Variants in HIPK3 observed in about 807,000 individuals in gnomAD.
HIPK3 encodes the protein homeodomain-interacting protein kinase 3.
HIPK3 carries 47 observed loss-of-function variants against 124.2 expected under a neutral mutation model. The ratio of observed to expected loss-of-function variants is 0.38; its 90% CI spans 0.30 to 0.48. The LOEUF (loss-of-function observed/expected upper bound fraction) is 0.48, where lower values mean the gene tolerates loss of function less well. Among genes scored for constraint, HIPK3 ranks in the 20% least tolerant of loss-of-function variants. HIPK3 has a pLI of 0.98. For missense variants in HIPK3, 1,286 were observed against 1,454.3 expected (o/e 0.88, Z 1.88); for synonymous variants, 482 against 515.2 (o/e 0.94, Z 0.87).
At chr11:33,266,353 G>T (rs1482498518) in intron 1 of HIPK3, among the ~76,000 whole-genome samples, 2 of 151,880 alleles carry the variant, frequency 1.3e-5, no homozygotes, top group Admixed American at 1.3e-4. Context: ...TAAAATAGTA[G>T]CATTCATGTT....
At chr11:33,269,972 G>C (rs1476298075) in intron 1 of HIPK3, among the ~76,000 whole-genome samples, 1 of 151,942 alleles carries the variant, frequency 6.6e-6, no homozygotes, top group African/African-American at 2.4e-5. Flanking sequence ...GTGTATACCT[G>C]TATATGGTTT....
At chr11:33,267,157 C>T (rs1228385196) in intron 1 of HIPK3, among the ~76,000 whole-genome samples, 1 of 151,492 alleles carries the variant, frequency 6.6e-6, no homozygotes, top group Non-Finnish European at 1.5e-5. Context: ...GGGTCTTGCT[C>T]TGTCCCCCAG....
intron 14 of HIPK3, 107 bp downstream of exon 14, chr11:33,349,394 C>G (rs2134000055): frequency 1.2e-6 from 1 of 833,646 alleles, no homozygotes; most frequent in Non-Finnish European, 1.8e-6. Flanking sequence ...ACAGTGACTT[C>G]TATCTTGAAC....
chr11:33,286,463 T>TA lies in HIPK3; in HGVS notation c.49_50insA (p.Ser17TyrfsTer6). On this transcript the variant is annotated frameshift_variant, in exon 2 of 17. Coordinates refer to ENST00000303296, the MANE Select transcript of HIPK3 (RefSeq NM_005734.5). LOFTEE classifies it high-confidence loss of function. ...CCCACCATATGTTTATCAAACTCAG[T>TA]CAAGTGCCTTTTGTAGTGTGAAGAA... 6.2e-7 allele frequency: 1 copy of TA among 1,611,592 alleles called. No individual in the cohort carries two copies. Among genetic ancestry groups the TA allele is most frequent in the South Asian group, 1.1e-5 (1 of 90,964 alleles).
At position 33,258,461 on chromosome 11, in the gene HIPK3, A is replaced by T. The variant is rs1231669880; in HGVS notation, c.-3+572A>T. ...GGTTTGCAGGGTGTCAACTCTGGGG[A>T]CGTGCGTGCGTGTGTGTGATTGTTG... is the stretch of plus-strand genomic sequence containing the variant. On this transcript the variant is annotated intron_variant, in intron 1 of 16. Transcript: ENST00000303296. 3.0e-6 allele frequency: 3 copies of T among 985,060 alleles called. No individual in the cohort carries two copies. In the East Asian group the frequency reaches 3.4e-4, roughly 112 times the overall value. 61.0% of individuals were successfully genotyped at this position (985,060 alleles called of 1,614,324 possible).
intron 2 of HIPK3, among the ~76,000 whole-genome samples, chr11:33,305,729 A>G (rs1212657753): frequency 1.3e-5 from 2 of 152,170 alleles, no homozygotes; most frequent in African/African-American, 4.8e-5. Context: ...GTTAATCACC[A>G]AATCTGGTGG....
Position 33,286,440 on chromosome 11 carries a change from C to T in HIPK3, c.26C>T (p.Pro9Leu). The part of the protein sequence containing the change: MASQVLVY[P>L]PYVYQTQSSA... The stretch of plus-strand genomic sequence containing the variant: ...ATGGCCTCACAAGTCTTGGTCTACC[C>T]ACCATATGTTTATCAAACTCAGTCA... The change falls in exon 2 of 17, where the codon CCA becomes CTA. Residue 9 changes from proline to leucine, a missense_variant. Physicochemically the swap from Pro to Leu is moderately conservative, Grantham distance 98. This residue lies in a region of HIPK3 where 225 missense variants were observed against 240.3 expected (regional missense o/e 0.94). Coordinates refer to ENST00000303296, the MANE Select transcript of HIPK3 (RefSeq NM_005734.5). 1.3e-6 allele frequency: 2 copies of T among 1,599,534 alleles called. No individual in the cohort carries two copies. Among genetic ancestry groups the T allele is most frequent in the Non-Finnish European group, 8.5e-7 (1 of 1,174,160 alleles).
rs1039779647 is a variant in HIPK3, at chr11:33,341,581, C to T, written c.1792C>T (p.His598Tyr). The T allele has an allele frequency of 1.9e-6, 3 of 1,612,260 alleles. No individual in the cohort carries two copies. Among genetic ancestry groups the T allele is most frequent in the East Asian group, 2.2e-5 (1 of 44,854 alleles). Residue 598 changes from histidine to tyrosine, a missense_variant, in exon 8 of 17, where the codon CAT becomes TAT. His to Tyr is a moderately conservative substitution (Grantham distance 83). Transcript: ENST00000303296. Reference protein sequence around the residue: ...LRSQALTTSAHSVVHHGIPLQ... With the variant: ...LRSQALTTSAYSVVHHGIPLQ... ...GTTTCAGGCATTGACCACATCTGCTCATTCAGTTGTGCACCATGGAATACC... is the reference window on the plus strand; with the variant it reads ...GTTTCAGGCATTGACCACATCTGCTTATTCAGTTGTGCACCATGGAATACC...
At chr11:33,322,961 A>G (rs996561684) in intron 2 of HIPK3, among the ~76,000 whole-genome samples, 1 of 152,178 alleles carries the variant, frequency 6.6e-6, no homozygotes, top group Admixed American at 6.5e-5. Context: ...CTCTACTCTG[A>G]CCTTCCTGAG....
chr11:33,337,874 A>T (rs569360501), intron 4 of HIPK3, among the ~76,000 whole-genome samples: 2 of 151,884 alleles, frequency 1.3e-5, no homozygotes, highest in Non-Finnish European at 2.9e-5. Context: ...GGGTTTCACC[A>T]TGTTGGCCAG....
intron 1 of HIPK3, among the ~76,000 whole-genome samples, chr11:33,276,030 G>T (rs1851260750): frequency 1.3e-5 from 2 of 152,146 alleles, no homozygotes; most frequent in South Asian, 4.1e-4. Flanking sequence ...CTTGTTTTCT[G>T]TTTAACTTAT....
At chr11:33,267,836 G>A (rs1415968723) in intron 1 of HIPK3, among the ~76,000 whole-genome samples, 1 of 152,188 alleles carries the variant, frequency 6.6e-6, no homozygotes, top group Admixed American at 6.6e-5. Flanking sequence ...ACTTAAAAGT[G>A]TTTAACTTGG....
chr11:33,293,243 C>A (rs1851748394), intron 2 of HIPK3, among the ~76,000 whole-genome samples: 1 of 152,106 alleles, frequency 6.6e-6, no homozygotes, highest in Non-Finnish European at 1.5e-5. Flanking sequence ...GAAATTCATT[C>A]ATTTAAGTAT....
chr11:33,331,158 C>T (rs1852970017), intron 3 of HIPK3, among the ~76,000 whole-genome samples: 1 of 152,174 alleles, frequency 6.6e-6, no homozygotes, highest in South Asian at 2.1e-4. Flanking sequence ...GTTGGGAATA[C>T]AGGCAAGAGC....
chr11:33,351,960 T>C, intron 15 of HIPK3, 117 bp downstream of exon 15: 1 of 1,009,860 alleles, frequency 9.9e-7, no homozygotes, highest in Non-Finnish European at 1.5e-6. Flanking sequence ...CTGCCTTATG[T>C]ATTGTACAGA....
At chr11:33,334,331 T>G (rs1853074662) in intron 3 of HIPK3, among the ~76,000 whole-genome samples, 5 of 152,096 alleles carry the variant, frequency 3.3e-5, no homozygotes, top group African/African-American at 1.2e-4. Flanking sequence ...GAAGAAGGAA[T>G]AGTAGAAGTT....
chr11:33,353,250 A>G lies in HIPK3; in HGVS notation c.3330A>G (p.Thr1110=), dbSNP rs1251911023. Residue 1110 remains threonine, a synonymous_variant, in exon 17 of 17, where the codon ACA becomes ACG. Transcript: ENST00000303296. The part of the protein sequence containing the change: ...TAVHAHLAGN[T]HLGGQPTLLP... ...TGCATGCCCACCTGGCTGGAAATAC[A>G]CACCTCGGAGGACAGCCTACTCTAC... is the stretch of plus-strand genomic sequence containing the variant. 6.2e-7 allele frequency: 1 copy of G among 1,614,116 alleles called. No individual in the cohort carries two copies.
Position 33,337,178 on chromosome 11 carries a change from C to A in HIPK3, c.1325C>A (p.Ser442Tyr). ...TGCAAAGAAACAGATATGTCTCATT[C>A]TGGTTGGAGATTAAAGGTAATTCAT... The part of the protein sequence containing the change: ...FFCKETDMSH[S>Y]GWRLKTLEEH... Residue 442 changes from serine to tyrosine, a missense_variant, in exon 4 of 17, where the codon TCT becomes TAT. This residue lies in a region of HIPK3 where 251 missense variants were observed against 349.1 expected (regional missense o/e 0.72). Coordinates refer to ENST00000303296, the MANE Select transcript of HIPK3 (RefSeq NM_005734.5). The A allele has an allele frequency of 6.5e-7, 1 of 1,545,496 alleles. No homozygotes were observed. Among genetic ancestry groups the A allele is most frequent in the Non-Finnish European group, 8.9e-7 (1 of 1,124,190 alleles).
chr11:33,334,878 A>G (rs1464566700), intron 3 of HIPK3, among the ~76,000 whole-genome samples: 1 of 152,240 alleles, frequency 6.6e-6, no homozygotes, highest in Non-Finnish European at 1.5e-5. Context: ...TAAGGACATT[A>G]GGAGAGACTG....
Sources: allele counts gnomAD v4.1 joint callset (sites outside exome capture counted in the v4.1 genomes callset), GRCh38; gene constraint gnomAD v4.1.1; regional missense constraint gnomAD v4.1.1; transcripts MANE v1.5; gene names NCBI Gene and HGNC (gene_info 2026-07-23, HGNC 2026-07-21).